Variants in DPYD observed in about 807,000 individuals in gnomAD.
DPYD encodes dihydropyrimidine dehydrogenase, also known as dihydropyrimidine dehydrogenase [NADP(+)].
A neutral mutation model predicts 116.2 loss-of-function variants in DPYD; 109 were observed. The observed-to-expected ratio is 0.94, with a 90% CI of 0.80 to 1.10. DPYD has a LOEUF of 1.10. DPYD is among the 50% of genes least tolerant of loss of function. DPYD has a pLI of 0.00. For synonymous variants in DPYD, 440 were observed against 432.0 expected (o/e 1.02, Z -0.23); for missense variants, 1,302 against 1,254.5 (o/e 1.04, Z -0.57).
chr1:97,404,105 T>C (rs1305813841), intron 14 of DPYD, among the ~76,000 whole-genome samples: 2 of 152,058 alleles, frequency 1.3e-5, no homozygotes, highest in Non-Finnish European at 2.9e-5. Context: ...ATTTTCCAGA[T>C]ATATTTTGTT....
At chr1:97,189,584 AT>A (rs1658219651) in intron 20 of DPYD, among the ~76,000 whole-genome samples, 1 of 152,210 alleles carries the variant, frequency 6.6e-6, no homozygotes, top group Non-Finnish European at 1.5e-5. Context: ...AAAGTGCCAA[AT>A]AGTAATGTTT....
chr1:97,288,210 G>A (rs918474319), intron 18 of DPYD, among the ~76,000 whole-genome samples: 1 of 150,056 alleles, frequency 6.7e-6, no homozygotes, highest in African/African-American at 2.5e-5. Context: ...CCTACAAAGA[G>A]ACTTAGACTC....
At chr1:97,708,282 G>GT (rs1320520719) in intron 5 of DPYD, among the ~76,000 whole-genome samples, 1 of 151,992 alleles carries the variant, frequency 6.6e-6, no homozygotes, top group Non-Finnish European at 1.5e-5. Flanking sequence ...CTGTAGTTTT[G>GT]TATTTTACAT....
At chr1:97,447,010 G>A (rs1676123368) in intron 14 of DPYD, among the ~76,000 whole-genome samples, 1 of 152,080 alleles carries the variant, frequency 6.6e-6, no homozygotes, top group South Asian at 2.1e-4. Context: ...TGGTATAACT[G>A]TGACAATTCA....
chr1:97,129,069 CTT>C (rs532541559), intron 20 of DPYD, among the ~76,000 whole-genome samples: 8 of 134,974 alleles, frequency 5.9e-5, no homozygotes, highest in Admixed American at 7.5e-5. Flanking sequence ...CTGCTGTATT[CTT>C]TTTTTTTTTT....
At chr1:97,558,676 G>A (rs1008523358) in intron 11 of DPYD, among the ~76,000 whole-genome samples, 1 of 152,152 alleles carries the variant, frequency 6.6e-6, no homozygotes, top group African/African-American at 2.4e-5. Context: ...AAGTTGAATG[G>A]AAACGATGGA....
In DPYD at chr1:97,595,049, T is replaced by C; in HGVS notation, c.958+10A>G. 1.3e-6 allele frequency: 2 copies of C among 1,594,290 alleles called. No homozygotes were observed. The highest frequency in any genetic ancestry group is 1.7e-6 in the Non-Finnish European group (2 of 1,163,238). The stretch of plus-strand genomic sequence containing the variant: ...ACTCACTATTAAGCATAAAAGACAA[T>C]ATGTTATACCTGCTTTACTGCCTTT... On this transcript the variant is annotated intron_variant, in intron 9 of 22. Coordinates refer to ENST00000370192, the MANE Select transcript of DPYD (RefSeq NM_000110.4).
At chr1:97,262,601 A>G (rs1663960107) in intron 18 of DPYD, among the ~76,000 whole-genome samples, 1 of 152,088 alleles carries the variant, frequency 6.6e-6, no homozygotes, top group Non-Finnish European at 1.5e-5. Context: ...TTTATGATCT[A>G]TATTTTGTCT....
intron 3 of DPYD, among the ~76,000 whole-genome samples, chr1:97,802,538 ACAATTTTCCTTTTGGGGC>A (rs1267708257): frequency 6.6e-6 from 1 of 151,882 alleles, no homozygotes; most frequent in East Asian, 1.9e-4. Context: ...TACTCAAAGC[ACAATTTTCCTTTTGGGGC>A]CTCAGATCTA....
At chr1:97,540,108 A>G (rs1650314123) in intron 12 of DPYD, among the ~76,000 whole-genome samples, 1 of 152,076 alleles carries the variant, frequency 6.6e-6, no homozygotes, top group Non-Finnish European at 1.5e-5. Context: ...ATGTCTTCTA[A>G]TTCAGCTCAA....
At chr1:97,906,995 A>G (rs527315078) in intron 1 of DPYD, among the ~76,000 whole-genome samples, 255 of 152,210 alleles carry the variant, frequency 1.7e-3, no homozygotes, top group African/African-American at 6.0e-3. Context: ...AAGGACTCCA[A>G]TATTGCCACA....
intron 14 of DPYD, among the ~76,000 whole-genome samples, chr1:97,435,419 TA>T (rs1268667558): frequency 6.6e-6 from 1 of 152,012 alleles, no homozygotes; most frequent in Non-Finnish European, 1.5e-5. Flanking sequence ...GAATTCATTA[TA>T]CACATTTAAC....
chr1:97,784,195 G>A (rs1187340290), intron 3 of DPYD, among the ~76,000 whole-genome samples: 2 of 152,194 alleles, frequency 1.3e-5, no homozygotes, highest in South Asian at 2.1e-4. Context: ...GAGACATGAC[G>A]ATTCCTGCTA....
intron 8 of DPYD, among the ~76,000 whole-genome samples, chr1:97,618,901 G>A (rs1656464592): frequency 6.6e-6 from 1 of 151,908 alleles, no homozygotes; most frequent in Non-Finnish European, 1.5e-5. Flanking sequence ...AGTGTAGATA[G>A]AAGAAATAAT....
intron 18 of DPYD, among the ~76,000 whole-genome samples, chr1:97,267,856 T>C (rs1664333825): frequency 6.6e-6 from 1 of 152,130 alleles, no homozygotes. Flanking sequence ...TCCATCCCAA[T>C]GGCTTTAACC....
At chr1:97,121,048 T>C (rs1273684694) in intron 20 of DPYD, among the ~76,000 whole-genome samples, 2 of 152,192 alleles carry the variant, frequency 1.3e-5, no homozygotes, top group African/African-American at 4.8e-5. Context: ...CTTTTCTCTC[T>C]GTATTTCACA....
At chr1:97,718,731 A>G (rs1053987358) in intron 5 of DPYD, among the ~76,000 whole-genome samples, 1 of 151,856 alleles carries the variant, frequency 6.6e-6, no homozygotes, top group African/African-American at 2.4e-5. Flanking sequence ...ATGGGTAGAA[A>G]GATGCATTCT....
chr1:97,707,885 G>A (rs1342522510), intron 5 of DPYD, among the ~76,000 whole-genome samples: 1 of 151,960 alleles, frequency 6.6e-6, no homozygotes, highest in African/African-American at 2.4e-5. Context: ...GAGACTTTTG[G>A]ACATTTTGCA....
chr1:97,526,417 G>A (rs545936762), intron 12 of DPYD, among the ~76,000 whole-genome samples: 19 of 152,186 alleles, frequency 1.2e-4, no homozygotes, highest in South Asian at 4.2e-4. Context: ...CCAGAAACAC[G>A]TAGAGAGTTT....
Sources: gnomAD v4.1 joint callset for allele counts (sites outside exome capture counted in the v4.1 genomes callset) on GRCh38, gnomAD v4.1.1 for gene constraint, MANE v1.5 for transcripts, NCBI Gene and HGNC (gene_info 2026-07-23, HGNC 2026-07-21) for gene names.